ZDHHC19: variants seen among roughly 807,000 people sequenced by gnomAD.
ZDHHC19 encodes palmitoyltransferase ZDHHC19.
Under a neutral mutation model 33.9 loss-of-function variants are expected in ZDHHC19, and 30 were observed. The observed-to-expected ratio is 0.88, with a 90% CI of 0.66 to 1.20. ZDHHC19 has a LOEUF of 1.20. Ranked by LOEUF, ZDHHC19 falls within the 50% of genes most tolerant of loss-of-function variation. ZDHHC19 has a pLI of 0.00. For missense variants in ZDHHC19, 364 were observed against 401.1 expected (o/e 0.91, Z 0.79); for synonymous variants, 178 against 167.6 (o/e 1.06, Z -0.48).
intron 2 of ZDHHC19, among the ~76,000 whole-genome samples, chr3:196,210,275 A>AAAGAAAGT: frequency 6.8e-6 from 1 of 146,098 alleles, no homozygotes; most frequent in Non-Finnish European, 1.5e-5. Context: ...AAAGAGAAAG[A>AAAGAAAGT]AAGAAAGAAA....
chr3:196,210,669 G>A lies in ZDHHC19; in HGVS notation c.215C>T (p.Thr72Ile), dbSNP rs767939202. ...GTTGAGTGAAACAAGACTGAAGAAG[G>A]TAAGGACAAAGAGGGAGCCTGTGAT... The part of the protein sequence containing the change: ...PVITGSLFVL[T>I]FFSLVSLNFS... Residue 72 changes from threonine to isoleucine, a missense_variant, in exon 2 of 8, where the codon ACC (threonine) becomes ATC (isoleucine). By Grantham distance (89) the Thr-to-Ile change is moderately conservative. Transcript: ENST00000296326. The A allele has an allele frequency of 1.3e-5, 21 of 1,613,992 alleles. No individual in the cohort carries two copies. The East Asian group carries it at 4.2e-4, about 33-fold the overall frequency.
At chr3:196,201,715 T>C (rs1050677687) in intron 5 of ZDHHC19, among the ~76,000 whole-genome samples, 12 of 151,736 alleles carry the variant, frequency 7.9e-5, no homozygotes, top group Non-Finnish European at 8.8e-5. Flanking sequence ...AGTGAGACTC[T>C]GTCTCAAAAA....
chr3:196,203,265 G>A lies in ZDHHC19; in HGVS notation c.687+4133C>T, dbSNP rs114936724. 9.6e-3 allele frequency among the ~76,000 whole-genome samples: 1,455 copies of A among 151,970 alleles called. 21 individuals are homozygous for A. The highest frequency in any genetic ancestry group is 0.034 in the African/African-American group (1,396 of 41,384). The stretch of plus-strand genomic sequence containing the variant: ...GTCTCAAAAAAGAAAAAAAAAGAAA[G>A]AAAGAAGAAAGAAAGAGAGAGAGAA... On this transcript the variant is annotated intron_variant, in intron 5 of 7. Transcript: ENST00000296326. This position sits in a 1 kb window ranked among gnomAD's most constrained non-coding sequence, Gnocchi z 4.3.
intron 5 of ZDHHC19, among the ~76,000 whole-genome samples, chr3:196,199,967 A>G (rs1404399954): frequency 6.6e-6 from 1 of 151,730 alleles, no homozygotes; most frequent in Non-Finnish European, 1.5e-5. Context: ...CTGGTATTGT[A>G]TTAGTCATTT....
chr3:196,199,840 G>A (rs539635978), intron 5 of ZDHHC19, among the ~76,000 whole-genome samples: 1 of 151,804 alleles, frequency 6.6e-6, no homozygotes, highest in Non-Finnish European at 1.5e-5. Context: ...AGCTACTCGG[G>A]AGGCTGAGAC....
rs749173453 is a variant in ZDHHC19 at position 196,211,322 on chromosome 3, G to A, written c.-7C>T. On this transcript the variant is annotated 5_prime_UTR_variant, in exon 1 of 8. Coordinates refer to ENST00000296326, the MANE Select transcript of ZDHHC19 (RefSeq NM_001039617.2). ...CATCCGTTAAGAGTGTCATGGCTGG[G>A]CCTCCTTCGCCTCCAGGGGAGGTCA... The A allele has an allele frequency of 2.5e-6, 4 of 1,599,548 alleles. No homozygotes were observed. The highest frequency in any genetic ancestry group is 3.4e-6 in the Non-Finnish European group (4 of 1,171,906).
chr3:196,198,150 C>CG, intron 7 of ZDHHC19, 126 bp downstream of exon 7: 2 of 974,504 alleles, frequency 2.1e-6, no homozygotes, highest in Non-Finnish European at 2.8e-6. Flanking sequence ...CCCTCCTCCC[C>CG]CCAAGCTCGG....
At chr3:196,206,956 C>T (rs1722781737) in intron 5 of ZDHHC19, among the ~76,000 whole-genome samples, 1 of 152,116 alleles carries the variant, frequency 6.6e-6, no homozygotes, top group Admixed American at 6.5e-5. Context: ...CAATGCCCTC[C>T]TCTCCGTCTT....
At chr3:196,209,194 C>T in intron 3 of ZDHHC19, 182 bp downstream of exon 3, 1 of 849,554 alleles carries the variant, frequency 1.2e-6, no homozygotes, top group Non-Finnish European at 1.8e-6. Context: ...GGCCAGCCTC[C>T]CAGGACAGGT....
chr3:196,206,507 C>A (rs373441602), intron 5 of ZDHHC19, among the ~76,000 whole-genome samples: 15 of 151,980 alleles, frequency 9.9e-5, no homozygotes, highest in Non-Finnish European at 1.6e-4. Flanking sequence ...CACGTGCCAC[C>A]GTGCCTGGCT....
intron 5 of ZDHHC19, among the ~76,000 whole-genome samples, chr3:196,200,345 T>G (rs1439944781): frequency 2.0e-4 from 16 of 78,570 alleles, no homozygotes; most frequent in East Asian, 2.7e-4. Flanking sequence ...TATATATATG[T>G]ATATATATAT....
chr3:196,210,285 A>AGAAAGAAAGAAAGAAGGAAG (rs750596258), intron 2 of ZDHHC19, among the ~76,000 whole-genome samples: 106 of 139,678 alleles, frequency 7.6e-4, no homozygotes, highest in Non-Finnish European at 1.4e-3. Flanking sequence ...AAAGAAAGAA[A>AGAAAGAAAGAAAGAAGGAAG]GAAGGAAGGA....
chr3:196,207,031 A>G (rs1269287819), intron 5 of ZDHHC19, among the ~76,000 whole-genome samples: 1 of 151,734 alleles, frequency 6.6e-6, no homozygotes, highest in East Asian at 1.9e-4. Context: ...TCAACCCTCA[A>G]TGCCTGAGTC....
chr3:196,209,972 A>G (rs1426592156), intron 2 of ZDHHC19, among the ~76,000 whole-genome samples: 2 of 152,182 alleles, frequency 1.3e-5, no homozygotes, highest in Non-Finnish European at 2.9e-5. Context: ...TGGGCTGATC[A>G]TGAGGTCAGG....
At chr3:196,206,679 CTTTTTT>C (rs10578928) in intron 5 of ZDHHC19, among the ~76,000 whole-genome samples, 4 of 112,774 alleles carry the variant, frequency 3.5e-5, no homozygotes, top group Non-Finnish European at 5.3e-5. Context: ...CTTTTCTTTT[CTTTTTT>C]TTTTTTTTTT....
chr3:196,207,755 G>T (rs1373897322), intron 4 of ZDHHC19, among the ~76,000 whole-genome samples: 3 of 23,118 alleles, frequency 1.3e-4, no homozygotes, highest in African/African-American at 2.0e-4. Flanking sequence ...CGCCCCTCAG[G>T]CCCGACTCCG....
chr3:196,198,376 T>G lies in ZDHHC19; in HGVS notation c.849A>C (p.Pro283=). The stretch of plus-strand genomic sequence containing the variant: ...GGGGGTTGAGAGCAGAGGGGGACAT[T>G]GGAGGGTGCAGATTCGGCATGGATG... The part of the protein sequence containing the change: ...DWTSMPNLHP[P]MSPSALNPPA... The change falls in exon 7 of 8, where the codon CCA becomes CCC. Residue 283 remains proline, a synonymous_variant. Transcript: ENST00000296326. The G allele has an allele frequency of 6.5e-7, 1 of 1,533,282 alleles. No individual in the cohort carries two copies. The highest frequency in any genetic ancestry group is 1.4e-5 in the African/African-American group (1 of 72,500). 95.0% of individuals were successfully genotyped at this position (1,533,282 alleles called of 1,614,324 possible). A position where few individuals can be genotyped will look rare whatever the true frequency, so the allele number is the denominator to read the frequency against.
At position 196,210,958 on chromosome 3, in the gene ZDHHC19, T is replaced by G. The variant is rs914638602; in HGVS notation, c.146+212A>C. Among the ~76,000 whole-genome samples the G allele has an allele frequency of 2.6e-5, 4 of 151,768 alleles. No individual in the cohort carries two copies. The South Asian group carries it at 8.4e-4, about 32-fold the overall frequency. On this transcript the variant is annotated intron_variant, in intron 1 of 7. Coordinates refer to ENST00000296326, the MANE Select transcript of ZDHHC19 (RefSeq NM_001039617.2). ...CACAGGCACCCTTGACCTCTGCGCC[T>G]TTGCACGTCGGTTCCTGGAACAGAA...
rs534465541 is a variant in ZDHHC19, at chr3:196,201,210, T to C, written c.688-2336A>G. 7.3e-5 allele frequency among the ~76,000 whole-genome samples: 11 copies of C among 151,394 alleles called. 1 individual carries two copies. In the South Asian group the frequency reaches 8.3e-4, roughly 11 times the overall value. ...GCTTCAGCCTCCCAAGTAGCTGGGA[T>C]TACAGGCACCCACCATCACGCCCAG... On this transcript the variant is annotated intron_variant, in intron 5 of 7. Coordinates refer to ENST00000296326, the MANE Select transcript of ZDHHC19 (RefSeq NM_001039617.2).
Sources: allele counts gnomAD v4.1 joint callset (sites outside exome capture counted in the v4.1 genomes callset), GRCh38; gene constraint gnomAD v4.1.1; non-coding constraint Gnocchi (gnomAD v3.1); transcripts MANE v1.5; gene names NCBI Gene and HGNC (gene_info 2026-07-23, HGNC 2026-07-21).